CCP110: variants seen among roughly 807,000 people sequenced by gnomAD.
CCP110 encodes the protein centriolar coiled-coil protein 110, also known as centriolar coiled-coil protein of 110 kDa.
In CCP110, 43 loss-of-function variants were observed where a neutral mutation model predicts 105.5. That is an observed-to-expected ratio of 0.41 (90% CI 0.32 to 0.53). The LOEUF is 0.53. Among genes scored for constraint, CCP110 ranks in the 20% least tolerant of loss-of-function variants. CCP110 has a pLI of 0.32. For missense variants in CCP110, 1,016 were observed against 1,189.1 expected (o/e 0.85, Z 2.14); for synonymous variants, 353 against 392.1 (o/e 0.90, Z 1.18).
At chr16:19,530,582 G>T (rs377278716) in intron 2 of CCP110, among the ~76,000 whole-genome samples, 2 of 151,782 alleles carry the variant, frequency 1.3e-5, no homozygotes, top group African/African-American at 2.4e-5. Context: ...GGAGGCGAAG[G>T]TTGCAGTGAG....
intron 3 of CCP110, among the ~76,000 whole-genome samples, chr16:19,534,509 C>T (rs138894199): frequency 9.3e-4 from 141 of 152,144 alleles, no homozygotes; most frequent in African/African-American, 1.8e-3. Context: ...ACATAGCTTC[C>T]GAATATCACA....
intron 12 of CCP110, chr16:19,547,271 G>C (rs1970494249): frequency 6.6e-6 from 1 of 152,140 alleles, no homozygotes; most frequent in African/African-American, 2.4e-5. Context: ...GATACAAAAA[G>C]CCGGGTATGA....
chr16:19,543,894 A>G (rs1970373607), intron 8 of CCP110, among the ~76,000 whole-genome samples: 1 of 151,688 alleles, frequency 6.6e-6, no homozygotes, highest in East Asian at 2.0e-4. Flanking sequence ...TATCAAGACA[A>G]TACGTGCACA....
In CCP110 at chr16:19,547,989, G is replaced by C. The variant is rs558126308; in HGVS notation, c.2875G>C (p.Val959Leu). ...GCCAAACCAAGGACAGAATGCACCT[G>C]TTCATAGGCTACTTAGTAGACAAGG... is the stretch of plus-strand genomic sequence containing the variant. Residue 959 changes from valine to leucine, a missense_variant, in exon 13 of 15, where the codon GTT (valine) becomes CTT (leucine). Coordinates refer to ENST00000381396, the Ensembl canonical transcript of CCP110. 1.9e-6 allele frequency: 3 copies of C among 1,611,874 alleles called. No individual in the cohort carries two copies. In the African/African-American group the frequency reaches 4.0e-5, roughly 21 times the overall value.
chr16:19,538,461 C>T (rs752415864), intron 4 of CCP110, among the ~76,000 whole-genome samples: 3 of 151,552 alleles, frequency 2.0e-5, no homozygotes, highest in Non-Finnish European at 4.4e-5. Flanking sequence ...AGGTGCTTAC[C>T]ACCTGGCCCA....
Position 19,537,253 on chromosome 16 carries a change from C to T in CCP110, c.1584C>T (p.Ala528=), listed in dbSNP as rs774490930. Reference sequence around the variant, plus strand: ...GAACTGTGAGTGGACTCAAGCCAGCCAGTATGTTAGAGAAAAACTGCAGTT... The same window carrying T: ...GAACTGTGAGTGGACTCAAGCCAGCTAGTATGTTAGAGAAAAACTGCAGTT... Residue 528 remains alanine, a synonymous_variant, in exon 4 of 15, where the codon GCC becomes GCT. Transcript: ENST00000381396. 14 of 1,613,942 alleles carry T rather than the reference C, an allele frequency of 8.7e-6. No homozygotes were observed. The East Asian group carries it at 3.1e-4, about 36-fold the overall frequency.
chr16:19,540,919 G>A (rs757553739), intron 5 of CCP110, 132 bp downstream of exon 5: 20 of 545,072 alleles, frequency 3.7e-5, no homozygotes, highest in East Asian at 6.5e-5. Flanking sequence ...ATTTTGATAC[G>A]TGAATGGTAT....
At chr16:19,551,092 A>C (rs534144266) in intron 14 of CCP110, 104 bp from the exon 14 acceptor site, 2 of 745,112 alleles carry the variant, frequency 2.7e-6, no homozygotes, top group Non-Finnish European at 4.9e-6. Flanking sequence ...ATGATAATGT[A>C]TATTGCCTAG....
In CCP110 at chr16:19,548,525, A is replaced by T; in HGVS notation, c.2911A>T (p.Thr971Ser). ...TTTATATTCAATTAGAACCCCTAAG[A>T]CATCAGTGAAGGGGGTTGTGCAAAA... Residue 971 changes from threonine (T) to serine (S), a missense_variant, in exon 14 of 15, where the codon ACA becomes TCA. Transcript: ENST00000381396. The surrounding 1 kb of genome is among the most constrained non-coding windows in gnomAD (Gnocchi z 4.1). 6.5e-7 allele frequency: 1 copy of T among 1,544,376 alleles called. No individual in the cohort carries two copies. Among genetic ancestry groups the T allele is most frequent in the Non-Finnish European group, 8.8e-7 (1 of 1,142,180 alleles).
intron 8 of CCP110, 116 bp from the exon 9 acceptor site, chr16:19,544,681 A>G (rs1027947102): frequency 1.2e-5 from 8 of 650,998 alleles, no homozygotes; most frequent in Non-Finnish European, 2.2e-5. Context: ...CCAGTCCCCC[A>G]CAGATACTGA....
In CCP110 at chr16:19,532,545, G is replaced by A; in HGVS notation, c.270+1G>A. ...CCAGGAGATTCTTGACAATGTTCAG[G>A]TGTGTGATTTTAGCTGTTTCAGTTA... is the stretch of plus-strand genomic sequence containing the variant. On this transcript the variant is annotated splice_donor_variant, in intron 3 of 14. Transcript: ENST00000381396. LOFTEE classifies it high-confidence loss of function. The A allele has an allele frequency of 1.3e-6, 2 of 1,584,354 alleles. No homozygotes were observed. Among genetic ancestry groups the A allele is most frequent in the Non-Finnish European group, 1.7e-6 (2 of 1,171,614 alleles).
chr16:19,548,688 TTG>T lies in CCP110; in HGVS notation c.2986+90_2986+91del. On this transcript the variant is annotated intron_variant, in intron 14 of 14. Transcript: ENST00000381396. This position sits in a 1 kb window ranked among gnomAD's most constrained non-coding sequence, Gnocchi z 4.1. Reference sequence around the variant, plus strand: ...ACTCAGGCCATAGAAGTGGAATAGATTGTCTTTCCTTGCCACCATAATTTTGG... The same window carrying T: ...ACTCAGGCCATAGAAGTGGAATAGATTCTTTCCTTGCCACCATAATTTTGG... The T allele has an allele frequency of 1.3e-6, 1 of 764,740 alleles. No individual in the cohort carries two copies. Among genetic ancestry groups the T allele is most frequent in the Non-Finnish European group, 2.1e-6 (1 of 473,058 alleles). The allele number at this position is 764,740 out of a possible 1,614,324, so 47.4% of individuals were successfully genotyped here.
chr16:19,541,649 G>GGAGAGAGA lies in CCP110; in HGVS notation c.2050-211_2050-204dup, dbSNP rs142905705. 5.4e-4 allele frequency among the ~76,000 whole-genome samples: 69 copies of GGAGAGAGA among 128,912 alleles called. No homozygotes were observed. In the East Asian group the frequency reaches 5.4e-3, roughly 10 times the overall value. The allele number at this position is 128,912 out of a possible 152,430, so 84.6% of individuals were successfully genotyped here. ...TCTTGAAACAAGAAAGAGAGAGAGAGGAGAGAGAGAGAGAGAGAGAGAGAG... is the reference window on the plus strand; with the variant it reads ...TCTTGAAACAAGAAAGAGAGAGAGAGGAGAGAGAGAGAGAGAGAGAGAGAGAGAGAGAG... On this transcript the variant is annotated intron_variant, in intron 5 of 14. Transcript: ENST00000381396.
At chr16:19,541,340 A>T (rs1970270983) in intron 5 of CCP110, among the ~76,000 whole-genome samples, 1 of 152,016 alleles carries the variant, frequency 6.6e-6, no homozygotes. Flanking sequence ...ATTATCACAT[A>T]TTAAATTATA....
At chr16:19,531,211 T>C (rs1257563953) in intron 2 of CCP110, among the ~76,000 whole-genome samples, 1 of 152,250 alleles carries the variant, frequency 6.6e-6, no homozygotes, top group Non-Finnish European at 1.5e-5. Context: ...GACCAAAATG[T>C]CTGAGGCTTG....
intron 8 of CCP110, among the ~76,000 whole-genome samples, chr16:19,543,742 T>G (rs1435253049): frequency 6.6e-6 from 1 of 152,158 alleles, no homozygotes; most frequent in Non-Finnish European, 1.5e-5. Context: ...AGTATCTGTC[T>G]TATGCGGTTG....
chr16:19,544,021 C>T (rs1037310018), intron 8 of CCP110, among the ~76,000 whole-genome samples: 5 of 152,122 alleles, frequency 3.3e-5, no homozygotes, highest in Admixed American at 6.6e-5. Flanking sequence ...GTGACCTACT[C>T]CCTGTTCTTG....
exon 4 of CCP110, chr16:19,535,951 A>C: frequency 6.3e-7 from 1 of 1,575,784 alleles, no homozygotes; most frequent in Non-Finnish European, 8.6e-7. Flanking sequence ...TTAGAAAAGC[A>C]CCTAATGCCA....
intron 4 of CCP110, 125 bp downstream of exon 4, chr16:19,537,712 TAGAA>T (rs1970127081): frequency 1.7e-6 from 1 of 585,958 alleles, no homozygotes. Flanking sequence ...TTTATCTTAT[TAGAA>T]AGCATATTAG....
Sources: gnomAD v4.1 joint callset for allele counts (sites outside exome capture counted in the v4.1 genomes callset) on GRCh38, gnomAD v4.1.1 for gene constraint, Gnocchi (gnomAD v3.1) non-coding constraint, MANE v1.5 for transcripts, NCBI Gene and HGNC (gene_info 2026-07-23, HGNC 2026-07-21) for gene names.